Variants in DIAPH3 observed in about 807,000 individuals in gnomAD.
The protein encoded by DIAPH3 is diaphanous related formin 3, also known as protein diaphanous homolog 3.
A neutral mutation model predicts 144.3 loss-of-function variants in DIAPH3; 117 were observed. That is an observed-to-expected ratio of 0.81 (90% CI 0.70 to 0.95). DIAPH3 has a LOEUF of 0.95. DIAPH3 is among the 40% of genes least tolerant of loss of function. The pLI is 0.00. For synonymous variants in DIAPH3, 519 were observed against 488.9 expected (o/e 1.06, Z -0.81); for missense variants, 1,421 against 1,412.7 (o/e 1.01, Z -0.09).
intron 20 of DIAPH3, among the ~76,000 whole-genome samples, chr13:59,904,527 T>G (rs1184602430): frequency 6.6e-6 from 1 of 152,166 alleles, no homozygotes; most frequent in Non-Finnish European, 1.5e-5. Flanking sequence ...GAAACATATT[T>G]AGGGGCATTT....
At chr13:59,765,469 G>A (rs1034799624) in intron 27 of DIAPH3, among the ~76,000 whole-genome samples, 1 of 152,144 alleles carries the variant, frequency 6.6e-6, no homozygotes, top group Non-Finnish European at 1.5e-5. Context: ...AACACATAGT[G>A]TAATTCCTCT....
At chr13:60,009,228 C>T (rs1466941065) in intron 8 of DIAPH3, among the ~76,000 whole-genome samples, 1 of 152,090 alleles carries the variant, frequency 6.6e-6, no homozygotes, top group Non-Finnish European at 1.5e-5. Flanking sequence ...ACTATACTTC[C>T]TCTTCTTTTA....
rs532073542 is a variant in DIAPH3 at position 59,902,249 on chromosome 13, G to A, written c.2367+9486C>T. The stretch of plus-strand genomic sequence containing the variant: ...CTGGTGGGAGATGACTGGATCATGG[G>A]GGTGGATTTCCCCCTTTGGTGCTGT... On this transcript the variant is annotated intron_variant, in intron 20 of 27. Transcript: ENST00000400324. Among the ~76,000 whole-genome samples, 15 of 152,236 alleles carry A rather than the reference G, an allele frequency of 9.9e-5. No homozygotes were observed. The South Asian group carries it at 2.7e-3, about 27-fold the overall frequency.
chr13:59,670,609 G>A (rs2032309832), intron 27 of DIAPH3, among the ~76,000 whole-genome samples: 2 of 145,002 alleles, frequency 1.4e-5, no homozygotes, highest in African/African-American at 5.1e-5. Flanking sequence ...TTTTGAGACA[G>A]TCTTGCTCTG....
At chr13:60,094,814 G>T (rs1404632564) in intron 3 of DIAPH3, among the ~76,000 whole-genome samples, 1 of 152,148 alleles carries the variant, frequency 6.6e-6, no homozygotes, top group Non-Finnish European at 1.5e-5. Flanking sequence ...TACCTTGATA[G>T]AAATATTTAA....
At chr13:60,043,098 A>C (rs2055805597) in intron 4 of DIAPH3, among the ~76,000 whole-genome samples, 1 of 152,202 alleles carries the variant, frequency 6.6e-6, no homozygotes, top group South Asian at 2.1e-4. Flanking sequence ...ATACTATAGA[A>C]AATATCTTAA....
At chr13:60,127,827 T>C (rs1321456607) in intron 2 of DIAPH3, among the ~76,000 whole-genome samples, 1 of 152,168 alleles carries the variant, frequency 6.6e-6, no homozygotes, top group East Asian at 1.9e-4. Context: ...TATATATTTC[T>C]CAAAATTCAT....
At chr13:59,841,676 G>A (rs1431608512) in intron 22 of DIAPH3, among the ~76,000 whole-genome samples, 1 of 152,208 alleles carries the variant, frequency 6.6e-6, no homozygotes, top group Non-Finnish European at 1.5e-5. Context: ...AAAAAGTAGT[G>A]TATTAGTAGT....
intron 22 of DIAPH3, among the ~76,000 whole-genome samples, chr13:59,845,674 G>A (rs1032518669): frequency 2.0e-5 from 3 of 152,110 alleles, no homozygotes; most frequent in African/African-American, 7.2e-5. Flanking sequence ...TCTGCCTTGT[G>A]CACTTCACCC....
chr13:59,958,939 G>A (rs1317636926), intron 17 of DIAPH3, among the ~76,000 whole-genome samples: 6 of 140,056 alleles, frequency 4.3e-5, no homozygotes, highest in East Asian at 2.3e-4. Flanking sequence ...GCAATGGCAC[G>A]ATCTCGGCTC....
intron 4 of DIAPH3, among the ~76,000 whole-genome samples, chr13:60,072,703 TG>T (rs2057252626): frequency 6.6e-6 from 1 of 151,958 alleles, no homozygotes; most frequent in South Asian, 2.1e-4. Context: ...CAGACATTAT[TG>T]AAAAAAAGGA....
intron 4 of DIAPH3, among the ~76,000 whole-genome samples, chr13:60,063,391 T>C (rs1453748715): frequency 6.6e-6 from 1 of 152,130 alleles, no homozygotes; most frequent in African/African-American, 2.4e-5. Context: ...TCAATGAGGG[T>C]TGAAGTCAAC....
intron 27 of DIAPH3, among the ~76,000 whole-genome samples, chr13:59,755,758 G>A (rs1244948678): frequency 6.6e-6 from 1 of 152,066 alleles, no homozygotes; most frequent in African/African-American, 2.4e-5. Flanking sequence ...GTGGAGCTAA[G>A]GCTCCATATT....
rs1555363112 is a variant in DIAPH3 at position 60,040,251 on chromosome 13, A to AAAG, written c.626+2438_626+2439insCTT. On this transcript the variant is annotated intron_variant, in intron 5 of 27. Coordinates refer to ENST00000400324, the MANE Select transcript of DIAPH3 (RefSeq NM_001042517.2). The stretch of plus-strand genomic sequence containing the variant: ...CAAAAAAAAAAAAAAAAAAAAAAAA[A>AAAG]GGATCTTCTCAATTTTCTCTCTAAA... Among the ~76,000 whole-genome samples, 32 of 145,436 alleles carry AAAG rather than the reference A, an allele frequency of 2.2e-4. 1 individual carries two copies. The highest frequency in any genetic ancestry group is 8.7e-4 in the African/African-American group (32 of 36,710).
Position 59,765,342 on chromosome 13 carries a change from G to C in DIAPH3, c.3319+8847C>G, listed in dbSNP as rs144882909. Among the ~76,000 whole-genome samples, 564 of 152,240 alleles carry C rather than the reference G, an allele frequency of 3.7e-3. 3 individuals carry two copies. The highest frequency in any genetic ancestry group is 0.013 in the African/African-American group (538 of 41,528). Reference sequence around the variant, plus strand: ...TGGAAGGAAAGTGAAGAAGGGGAAGGAATGAGAAAGTGCCAGCGTATTTTG... The same window carrying C: ...TGGAAGGAAAGTGAAGAAGGGGAAGCAATGAGAAAGTGCCAGCGTATTTTG... On this transcript the variant is annotated intron_variant, in intron 27 of 27. Coordinates refer to ENST00000400324, the MANE Select transcript of DIAPH3 (RefSeq NM_001042517.2).
intron 5 of DIAPH3, among the ~76,000 whole-genome samples, chr13:60,027,347 T>C (rs950452366): frequency 5.3e-5 from 8 of 152,230 alleles, no homozygotes; most frequent in African/African-American, 1.9e-4. Flanking sequence ...ATACAACCAC[T>C]AATATGTATA....
chr13:59,697,459 C>CAAAAAAAAA (rs58372882), intron 27 of DIAPH3, among the ~76,000 whole-genome samples: 396 of 31,218 alleles, frequency 0.013, 13 homozygotes, highest in Non-Finnish European at 0.017. Context: ...GACACTGTCT[C>CAAAAAAAAA]AAAAAAAAAA....
chr13:59,887,679 C>T (rs1405810460), intron 20 of DIAPH3, among the ~76,000 whole-genome samples: 1 of 151,984 alleles, frequency 6.6e-6, no homozygotes, highest in Non-Finnish European at 1.5e-5. Context: ...GTGTATTTTG[C>T]AGTTGTTGTA....
intron 25 of DIAPH3, among the ~76,000 whole-genome samples, chr13:59,796,271 C>T (rs1226160324): frequency 2.0e-5 from 3 of 152,158 alleles, no homozygotes; most frequent in African/African-American, 7.2e-5. Context: ...CTCAGAACCT[C>T]GATCACGGGA....
Sources: gnomAD v4.1 joint callset for allele counts (sites outside exome capture counted in the v4.1 genomes callset) on GRCh38, gnomAD v4.1.1 for gene constraint, MANE v1.5 for transcripts, NCBI Gene and HGNC (gene_info 2026-07-23, HGNC 2026-07-21) for gene names.